PCNX2: variants seen among roughly 807,000 people sequenced by gnomAD.
The protein encoded by PCNX2 is pecanex 2.
A neutral mutation model predicts 223.8 loss-of-function variants in PCNX2; 168 were observed. That is an observed-to-expected ratio of 0.75 (90% confidence interval 0.66 to 0.85). The LOEUF (loss-of-function observed/expected upper bound fraction) is 0.85. PCNX2 is among the 40% of genes least tolerant of loss of function. PCNX2 has a pLI of 0.00. For missense variants in PCNX2, 2,507 were observed against 2,675.5 expected (o/e 0.94, Z 1.39); for synonymous variants, 1,006 against 1,052.6 (o/e 0.96, Z 0.86).
intron 25 of PCNX2, among the ~76,000 whole-genome samples, chr1:233,051,403 A>G (rs1246626007): frequency 6.6e-6 from 1 of 152,226 alleles, no homozygotes; most frequent in Non-Finnish European, 1.5e-5. Context: ...TCATATGTTC[A>G]CTGCAGCACT....
intron 1 of PCNX2, among the ~76,000 whole-genome samples, chr1:233,268,976 C>A (rs976321031): frequency 2.0e-5 from 3 of 152,164 alleles, no homozygotes; most frequent in Non-Finnish European, 4.4e-5. Flanking sequence ...GTAAAGAGGC[C>A]CAAGGCTGTG....
chr1:233,141,283 T>C (rs909966659), intron 19 of PCNX2, among the ~76,000 whole-genome samples: 4 of 152,340 alleles, frequency 2.6e-5, no homozygotes, highest in East Asian at 1.9e-4. Flanking sequence ...ATAGAAACTA[T>C]TTTACTTTCT....
intron 33 of PCNX2, chr1:232,985,514 T>G (rs1302409695): frequency 3.7e-5 from 6 of 164,318 alleles, no homozygotes; most frequent in Admixed American, 3.1e-4. Context: ...TATTTACTTT[T>G]TTCTCACTGA....
At chr1:233,042,167 G>A (rs1017703955) in intron 25 of PCNX2, among the ~76,000 whole-genome samples, 1 of 152,020 alleles carries the variant, frequency 6.6e-6, no homozygotes, top group Non-Finnish European at 1.5e-5. Context: ...ATTTCCCTAC[G>A]CCCTTCATTC....
At chr1:233,044,479 C>G (rs1273769363) in intron 25 of PCNX2, among the ~76,000 whole-genome samples, 1 of 152,154 alleles carries the variant, frequency 6.6e-6, no homozygotes, top group African/African-American at 2.4e-5. Flanking sequence ...AATGATTAAT[C>G]TTTCCACTCT....
the PCNX2 span, among the ~76,000 whole-genome samples, chr1:233,306,968 A>G: frequency 1.3e-5 from 2 of 152,218 alleles, no homozygotes; most frequent in African/African-American, 2.4e-5. Flanking sequence ...TAAAATAGTG[A>G]TTTTTAAAAA....
Position 233,227,183 on chromosome 1 carries a change from C to T in PCNX2, c.2504+43G>A, listed in dbSNP as rs536384810. 5.4e-5 allele frequency: 85 copies of T among 1,560,636 alleles called. 2 individuals carry two copies. In the South Asian group the frequency reaches 9.1e-4, roughly 17 times the overall value. On this transcript the variant is annotated intron_variant, in intron 10 of 33. Transcript: ENST00000258229. The stretch of plus-strand genomic sequence containing the variant: ...CATGCAGTGGGCACTGTCACGTCCC[C>T]GGTGTGCCTTCCGACAGTGTGTGTG...
At chr1:233,168,816 C>T (rs1232524630) in intron 17 of PCNX2, among the ~76,000 whole-genome samples, 1 of 151,984 alleles carries the variant, frequency 6.6e-6, no homozygotes, top group African/African-American at 2.4e-5. Flanking sequence ...TACATAAACA[C>T]AAATGATGTC....
At position 233,231,491 on chromosome 1, in the gene PCNX2, A is replaced by AGAT. The variant is rs557639301; in HGVS notation, c.2359-4121_2359-4120insATC. 24 of 269,826 alleles carry AGAT rather than the reference A, an allele frequency of 8.9e-5. No individual in the cohort carries two copies. The South Asian group carries it at 3.1e-3, about 35-fold the overall frequency. The allele number at this position is 269,826 out of a possible 1,614,324, so 16.7% of individuals were successfully genotyped here. A position where few individuals can be genotyped will look rare whatever the true frequency, so the allele number is the denominator to read the frequency against. The stretch of plus-strand genomic sequence containing the variant: ...GTTATGTGAAAGAGAGTAAGTGATC[A>AGAT]GCTCTATAGAACCTCCCCAAAGTCA... On this transcript the variant is annotated intron_variant, in intron 9 of 33. Transcript: ENST00000258229.
In PCNX2 at chr1:233,258,227, A is replaced by T. The variant is rs531704668; in HGVS notation, c.1635T>A (p.Ser545=). ...SGTDVFLSKS[S]AEIVNDTEKT... is the part of the protein sequence containing the mutation. ...TCTCTGTATCGTTAACAATTTCTGC[A>T]GAACTTTTACTCAAGAAGACATCTG... Residue 545 remains serine, a synonymous_variant, in exon 5 of 34, where the codon TCT becomes TCA. Transcript: ENST00000258229. The T allele has an allele frequency of 9.9e-6, 16 of 1,614,028 alleles. No individual in the cohort carries two copies. The highest frequency in any genetic ancestry group is 1.6e-4 in the Middle Eastern group (1 of 6,062).
chr1:233,233,506 C>T (rs1658197853), intron 9 of PCNX2, among the ~76,000 whole-genome samples: 1 of 150,312 alleles, frequency 6.7e-6, no homozygotes, highest in South Asian at 2.1e-4. Flanking sequence ...AGTGACAGCC[C>T]TTTCTGGGAG....
rs137861092 is a variant in PCNX2, at chr1:233,120,863, C to T, written c.3837+14150G>A. Among the ~76,000 whole-genome samples, 659 of 151,852 alleles carry T rather than the reference C, an allele frequency of 4.3e-3. 3 individuals carry two copies. Among genetic ancestry groups the T allele is most frequent in the African/African-American group, 0.015 (640 of 41,476 alleles). ...AAAATAAAAGAAACAACAACAAAAACAATTTTTTTTAAAAAAGAACCAACT... is the reference window on the plus strand; with the variant it reads ...AAAATAAAAGAAACAACAACAAAAATAATTTTTTTTAAAAAAGAACCAACT... On this transcript the variant is annotated intron_variant, in intron 21 of 33. Transcript: ENST00000258229.
chr1:233,271,630 C>T (rs1660643372), intron 1 of PCNX2, among the ~76,000 whole-genome samples: 1 of 152,106 alleles, frequency 6.6e-6, no homozygotes, highest in Non-Finnish European at 1.5e-5. Flanking sequence ...GTCTTTGATC[C>T]ATCTTGAGTT....
At chr1:233,256,899 A>G (rs1572161353) in intron 5 of PCNX2, among the ~76,000 whole-genome samples, 1 of 152,338 alleles carries the variant, frequency 6.6e-6, no homozygotes. Flanking sequence ...AAAGCAGAGG[A>G]AAAATCCCAG....
At chr1:233,233,349 C>A (rs1658182319) in intron 9 of PCNX2, among the ~76,000 whole-genome samples, 1 of 152,060 alleles carries the variant, frequency 6.6e-6, no homozygotes, top group Non-Finnish European at 1.5e-5. Context: ...AACCATGCCC[C>A]AAGCTCTGCC....
intron 13 of PCNX2, 67 bp from the exon 14 acceptor site, chr1:233,200,331 T>G: frequency 9.0e-7 from 1 of 1,106,520 alleles, no homozygotes. Context: ...CCTGCTGCAG[T>G]GCTGTCTCTC....
At position 233,218,054 on chromosome 1, in the gene PCNX2, T is replaced by C. The variant is rs200446920; in HGVS notation, c.2635A>G (p.Ser879Gly). ...WVLLFCLVMA[S>G]CQYSLLKSVQ... ...GCCTTTAGCAGGGAGTACTGGCAGC[T>C]GGCCATGACGAGGCAGAAGAGGAGC... Residue 879 changes from serine to glycine, a missense_variant, in exon 11 of 34, where the codon AGC becomes GGC. Ser to Gly is a moderately conservative substitution (Grantham distance 56). Coordinates refer to ENST00000258229, the MANE Select transcript of PCNX2 (RefSeq NM_014801.4). 1.3e-4 allele frequency: 214 copies of C among 1,604,734 alleles called. No homozygotes were observed. Among genetic ancestry groups the C allele is most frequent in the Non-Finnish European group, 1.8e-4 (207 of 1,175,574 alleles).
intron 13 of PCNX2, among the ~76,000 whole-genome samples, chr1:233,200,575 G>A (rs1274747442): frequency 6.6e-6 from 1 of 151,914 alleles, no homozygotes; most frequent in South Asian, 2.1e-4. Context: ...AAGAAGTACT[G>A]ATGAAAGGAA....
intron 19 of PCNX2, among the ~76,000 whole-genome samples, chr1:233,143,306 C>T (rs1283054647): frequency 6.6e-6 from 1 of 152,172 alleles, no homozygotes; most frequent in Non-Finnish European, 1.5e-5. Flanking sequence ...AAACACTGTC[C>T]TAAATGGTGA....
Sources: gnomAD v4.1 joint callset for allele counts (sites outside exome capture counted in the v4.1 genomes callset) on GRCh38, gnomAD v4.1.1 for gene constraint, MANE v1.5 for transcripts, NCBI Gene and HGNC (gene_info 2026-07-23, HGNC 2026-07-21) for gene names.